Variants in PFKFB1 observed in about 807,000 individuals in gnomAD.
PFKFB1 encodes the protein 6-phosphofructo-2-kinase/fructose-2,6-bisphosphatase 1.
A neutral mutation model predicts 46.4 loss-of-function variants in PFKFB1; 34 were observed. The observed-to-expected ratio is 0.73, with a 90% confidence interval of 0.56 to 0.98. The LOEUF (loss-of-function observed/expected upper bound fraction) is 0.98, where lower values mean the gene tolerates loss of function less well. Among genes scored for constraint, PFKFB1 ranks in the 50% least tolerant of loss-of-function variants. PFKFB1 has a pLI of 0.00. For missense variants in PFKFB1, 393 were observed against 376.3 expected (o/e 1.04, Z -0.37); for synonymous variants, 119 against 133.8 (o/e 0.89, Z 0.76).
rs907711119 is a variant in PFKFB1 at position 54,960,920 on chromosome X, G to A, written c.224-3C>T. On this transcript the variant is annotated splice_region_variant and splice_polypyrimidine_tract_variant and intron_variant, in intron 2 of 13. Transcript: ENST00000375006. ...TCGATACTGGCCTAAATTAAACACT[G>A]AAAGCAGGGAGTGCCAGTGAAGAGG... 1 of 1,150,677 alleles carries A rather than the reference G, an allele frequency of 8.7e-7. No homozygotes were observed. The highest frequency in any genetic ancestry group is 1.8e-5 in the African/African-American group (1 of 56,565). The allele number at this position is 1,150,677 out of a possible 1,213,427, so 94.8% of individuals were successfully genotyped here. A position where few individuals can be genotyped will look rare whatever the true frequency, so the allele number is the denominator to read the frequency against.
At chrX:54,945,262 T>C (rs1933765059) in intron 10 of PFKFB1, among the ~76,000 whole-genome samples, 177 bp downstream of exon 10, 1 of 112,356 alleles carries the variant, frequency 8.9e-6, no homozygotes, top group South Asian at 3.6e-4. Context: ...CTATTGCCTA[T>C]AGCCAAGAAT....
intron 10 of PFKFB1, among the ~76,000 whole-genome samples, chrX:54,942,163 T>C (rs1264595339): frequency 9.0e-6 from 1 of 110,916 alleles, no homozygotes; most frequent in African/African-American, 3.3e-5. Context: ...AAACACCACA[T>C]ATTCTCGCTC....
intron 8 of PFKFB1, 128 bp from the exon 9 acceptor site, chrX:54,949,349 TA>T: frequency 2.1e-6 from 1 of 486,536 alleles, no homozygotes; most frequent in Non-Finnish European, 3.3e-6. Flanking sequence ...GCAAAGAGTT[TA>T]AATGTTCCAA....
chrX:54,939,493 T>G (rs1281105173), intron 10 of PFKFB1, among the ~76,000 whole-genome samples: 2 of 111,260 alleles, frequency 1.8e-5, no homozygotes, highest in African/African-American at 6.5e-5. Flanking sequence ...GATAGACCAG[T>G]AGCAAGACTA....
rs1352501883 is a variant in PFKFB1 at position 54,967,462 on chromosome X, T to C, written c.98-4080A>G. On this transcript the variant is annotated intron_variant, in intron 1 of 13. Transcript: ENST00000375006. The stretch of plus-strand genomic sequence containing the variant: ...AAGCAATGGCAACAAAAGCCAAAAT[T>C]GACAAATGGGATCTAATTAAACTCA... Among the ~76,000 whole-genome samples the C allele has an allele frequency of 1.9e-5, 2 of 102,791 alleles. 1 individual carries two copies. The highest frequency in any genetic ancestry group is 0.01 in the Middle Eastern group (2 of 200). 89.3% of individuals were successfully genotyped at this position (102,791 alleles called of 115,157 possible).
At position 54,933,440 on chromosome X, in the gene PFKFB1, G is replaced by T. The variant is rs1214907005; in HGVS notation, c.1379C>A (p.Pro460His). ...KPENVDITREPEEALDTVPAH... is the reference protein window; with the variant it reads ...KPENVDITREHEEALDTVPAH... ...TGGGACAGTATCCAGGGCTTCCTCA[G>T]GTTCCCGGGTGATGTCCACATTCTG... The change falls in exon 14 of 14, where the codon CCT becomes CAT. Residue 460 changes from proline (P) to histidine (H), a missense_variant. Physicochemically the swap from Pro to His is moderately conservative, Grantham distance 77. Transcript: ENST00000375006. 1.7e-6 allele frequency: 2 copies of T among 1,209,194 alleles called. No homozygotes were observed. Among genetic ancestry groups the T allele is most frequent in the South Asian group, 3.5e-5 (2 of 56,887 alleles).
At chrX:54,944,529 C>G (rs367820234) in intron 10 of PFKFB1, among the ~76,000 whole-genome samples, 26 of 111,652 alleles carry the variant, frequency 2.3e-4, no homozygotes, top group East Asian at 1.7e-3. Context: ...AAATGAATAG[C>G]TAAAAGTGAA....
At chrX:54,967,174 T>C (rs914274560) in intron 1 of PFKFB1, among the ~76,000 whole-genome samples, 9 of 111,853 alleles carry the variant, frequency 8.0e-5, no homozygotes, top group Non-Finnish European at 1.9e-5. Context: ...ACTCACAATG[T>C]CCAGGATACA....
At chrX:54,972,980 G>C (rs1231884486) in intron 1 of PFKFB1, among the ~76,000 whole-genome samples, 1 of 111,225 alleles carries the variant, frequency 9.0e-6, no homozygotes, top group African/African-American at 3.3e-5. Context: ...GACTCTTTTT[G>C]GTTGGTAAGC....
intron 7 of PFKFB1, 83 bp from the exon 8 acceptor site, chrX:54,952,195 C>G: frequency 1.4e-6 from 1 of 734,631 alleles, no homozygotes; most frequent in Non-Finnish European, 2.1e-6. Flanking sequence ...CCGAACCACA[C>G]ACCCTTTCAA....
Position 54,994,130 on chromosome X carries a change from T to C in PFKFB1, c.-123A>G. The C allele has an allele frequency of 9.1e-7, 1 of 1,104,567 alleles. No individual in the cohort carries two copies. The highest frequency in any genetic ancestry group is 1.2e-6 in the Non-Finnish European group (1 of 844,925). 91.0% of individuals were successfully genotyped at this position (1,104,567 alleles called of 1,213,427 possible). The stretch of plus-strand genomic sequence containing the variant: ...AGGTGGACAGGGCTGGGACAGGGGG[T>C]GTACTGGGTTTCTGAGCCCTCTCAA... On this transcript the variant is annotated 5_prime_UTR_variant, in exon 1 of 14. Transcript: ENST00000375006.
chrX:54,971,484 G>T (rs1934654405), intron 1 of PFKFB1, among the ~76,000 whole-genome samples: 1 of 111,676 alleles, frequency 9.0e-6, no homozygotes, highest in Admixed American at 9.5e-5. Flanking sequence ...TAATGTTTAA[G>T]TCTTTCATCC....
chrX:54,979,312 T>C (rs1934913773), intron 1 of PFKFB1, among the ~76,000 whole-genome samples: 1 of 111,677 alleles, frequency 9.0e-6, no homozygotes, highest in Non-Finnish European at 1.9e-5. Flanking sequence ...CACCTAATCA[T>C]GTTTTTAGAA....
At chrX:54,936,789 T>C (rs987937196) in intron 11 of PFKFB1, among the ~76,000 whole-genome samples, 2 of 111,949 alleles carry the variant, frequency 1.8e-5, no homozygotes, top group African/African-American at 6.5e-5. Flanking sequence ...GATGACTCCA[T>C]ATTACAGTGT....
intron 1 of PFKFB1, among the ~76,000 whole-genome samples, chrX:54,967,345 A>T (rs929392864): frequency 1.8e-5 from 2 of 112,355 alleles, no homozygotes; most frequent in African/African-American, 6.5e-5. Flanking sequence ...AATATTTAAA[A>T]CAGAAGCACT....
At chrX:54,962,808 G>A (rs185746369) in intron 2 of PFKFB1, among the ~76,000 whole-genome samples, 1 of 111,913 alleles carries the variant, frequency 8.9e-6, no homozygotes, top group Non-Finnish European at 1.9e-5. Flanking sequence ...AATAGACCTG[G>A]GTTCATATCT....
rs182212452 is a variant in PFKFB1, at chrX:54,958,802, T to A, written c.459+49A>T. The A allele has an allele frequency of 1.5e-5, 13 of 880,573 alleles. No individual in the cohort carries two copies. In the East Asian group the frequency reaches 3.5e-4, roughly 23 times the overall value. 72.6% of individuals were successfully genotyped at this position (880,573 alleles called of 1,213,427 possible). On this transcript the variant is annotated intron_variant, in intron 5 of 13. Coordinates refer to ENST00000375006, the MANE Select transcript of PFKFB1 (RefSeq NM_002625.4). ...TCCCCTGGTTTGCCTTTCTTTGGGGTTTGTGCTGGAGAAATAGGCTCTAGA... is the reference window on the plus strand; with the variant it reads ...TCCCCTGGTTTGCCTTTCTTTGGGGATTGTGCTGGAGAAATAGGCTCTAGA...
intron 1 of PFKFB1, among the ~76,000 whole-genome samples, chrX:54,973,063 T>G (rs1053381925): frequency 2.7e-5 from 3 of 111,770 alleles, no homozygotes; most frequent in Non-Finnish European, 5.6e-5. Context: ...TGGTTTAGTC[T>G]TGGGAGGGTG....
intron 13 of PFKFB1, among the ~76,000 whole-genome samples, 171 bp downstream of exon 13, chrX:54,933,650 A>G (rs1391054786): frequency 2.7e-5 from 3 of 111,624 alleles, no homozygotes; most frequent in African/African-American, 6.5e-5. Context: ...TTGCATCTCC[A>G]TGGTGCCTCG....
Sources: allele counts gnomAD v4.1 joint callset (sites outside exome capture counted in the v4.1 genomes callset), GRCh38; gene constraint gnomAD v4.1.1; transcripts MANE v1.5; gene names NCBI Gene and HGNC (gene_info 2026-07-23, HGNC 2026-07-21).